Variants in NUP93 observed in about 807,000 individuals in gnomAD.
NUP93 encodes nucleoporin 93.
Under a neutral mutation model 107.8 loss-of-function variants are expected in NUP93, and 55 were observed. The ratio of observed to expected loss-of-function variants is 0.51; its 90% CI spans 0.41 to 0.64. NUP93 has a LOEUF of 0.64. NUP93 is among the 30% of genes least tolerant of loss of function. NUP93 has a pLI of 0.00. For missense variants in NUP93, 937 were observed against 1,044.7 expected, an observed-to-expected ratio of 0.90 and a Z score of 1.42; for synonymous variants, 390 against 397.5, an observed-to-expected ratio of 0.98 and a Z score of 0.22.
chr16:56,765,392 G>C (rs1962198987), intron 3 of NUP93, among the ~76,000 whole-genome samples: 1 of 152,072 alleles, frequency 6.6e-6, no homozygotes, highest in African/African-American at 2.4e-5. Context: ...TTTGAATCTT[G>C]CTGTTTCTCA....
intron 4 of NUP93, among the ~76,000 whole-genome samples, chr16:56,802,894 G>T (rs1043169850): frequency 6.6e-6 from 1 of 152,108 alleles, no homozygotes; most frequent in Non-Finnish European, 1.5e-5. Context: ...GGCTGAGAAT[G>T]GTCATAATTC....
intron 4 of NUP93, among the ~76,000 whole-genome samples, chr16:56,801,679 A>T (rs1963024391): frequency 6.6e-6 from 1 of 152,104 alleles, no homozygotes; most frequent in African/African-American, 2.4e-5. Context: ...ATTTATTTTT[A>T]TTTGAAGCTC....
chr16:56,732,960 G>A (rs1162450661), intron 1 of NUP93, among the ~76,000 whole-genome samples: 1 of 152,196 alleles, frequency 6.6e-6, no homozygotes. Context: ...CACTAGGGAA[G>A]AACAGTATAG....
At chr16:56,841,608 C>G in intron 20 of NUP93, 97 bp from the exon 21 acceptor site, 1 of 1,469,434 alleles carries the variant, frequency 6.8e-7, no homozygotes, top group Non-Finnish European at 9.2e-7. Context: ...AGGAGTGGTG[C>G]AACCAGGCCT....
intron 7 of NUP93, among the ~76,000 whole-genome samples, chr16:56,823,413 G>C (rs1404569888): frequency 6.6e-6 from 1 of 152,138 alleles, no homozygotes; most frequent in Non-Finnish European, 1.5e-5. Context: ...CAGTGTTCTC[G>C]TGACTTGTAT....
intron 10 of NUP93, chr16:56,831,448 AGTT>A (rs1294048022): frequency 1.9e-5 from 3 of 159,102 alleles, no homozygotes; most frequent in Non-Finnish European, 4.1e-5. Context: ...TTTGAGTGCA[AGTT>A]GTTTATTTAG....
At chr16:56,840,487 A>G (rs965279075) in intron 20 of NUP93, among the ~76,000 whole-genome samples, 32 of 152,162 alleles carry the variant, frequency 2.1e-4, no homozygotes, top group African/African-American at 6.8e-4. Flanking sequence ...AAAAACCCTC[A>G]TGCCTACACC....
intron 3 of NUP93, among the ~76,000 whole-genome samples, chr16:56,785,675 A>G (rs1463958339): frequency 6.6e-6 from 1 of 152,240 alleles, no homozygotes; most frequent in African/African-American, 2.4e-5. Context: ...GAACACTGTG[A>G]TAAGGGGTGG....
chr16:56,771,758 T>C (rs538674924), intron 3 of NUP93, among the ~76,000 whole-genome samples: 2 of 152,362 alleles, frequency 1.3e-5, no homozygotes, highest in African/African-American at 4.8e-5. Flanking sequence ...TTGATACTGC[T>C]GACATAGTTT....
At chr16:56,742,735 C>G (rs1420244669) in intron 1 of NUP93, among the ~76,000 whole-genome samples, 1 of 152,138 alleles carries the variant, frequency 6.6e-6, no homozygotes, top group African/African-American at 2.4e-5. Flanking sequence ...TTTCCTTTTC[C>G]CTTTGTAGCT....
intron 3 of NUP93, chr16:56,783,275 T>C (rs1962553104): frequency 6.4e-6 from 1 of 156,502 alleles, no homozygotes; most frequent in East Asian, 1.9e-4. Flanking sequence ...TATTTCCCTT[T>C]GGAGGTGTGG....
chr16:56,739,535 C>G (rs1477332453), intron 1 of NUP93, among the ~76,000 whole-genome samples: 1 of 120,094 alleles, frequency 8.3e-6, no homozygotes, highest in African/African-American at 3.2e-5. Context: ...TGACCCCCCC[C>G]CACCTCCCTC....
At chr16:56,775,839 G>A (rs113636612) in intron 3 of NUP93, among the ~76,000 whole-genome samples, 2 of 152,230 alleles carry the variant, frequency 1.3e-5, no homozygotes, top group African/African-American at 4.8e-5. Flanking sequence ...CCCTTGCCAT[G>A]GTTGTCTATC....
At chr16:56,802,301 C>A (rs1421016722) in intron 4 of NUP93, among the ~76,000 whole-genome samples, 1 of 148,306 alleles carries the variant, frequency 6.7e-6, no homozygotes, top group Non-Finnish European at 1.5e-5. Flanking sequence ...TATCTCTTCC[C>A]CCCCACCCCC....
chr16:56,803,637 C>T (rs1963068793), intron 4 of NUP93, among the ~76,000 whole-genome samples: 1 of 151,802 alleles, frequency 6.6e-6, no homozygotes, highest in South Asian at 2.1e-4. Context: ...TATTAATAAA[C>T]ACATGGAAAG....
chr16:56,820,764 T>C (rs1212342332), intron 6 of NUP93, among the ~76,000 whole-genome samples: 1 of 152,180 alleles, frequency 6.6e-6, no homozygotes, highest in Non-Finnish European at 1.5e-5. Context: ...CAAAGTAGAA[T>C]CTTCCACAAG....
chr16:56,835,971 A>G (rs1405591607), intron 16 of NUP93, among the ~76,000 whole-genome samples: 12 of 152,078 alleles, frequency 7.9e-5, no homozygotes, highest in African/African-American at 2.9e-4. Context: ...TATTAAAAAT[A>G]CAAAAAAATT....
intron 3 of NUP93, among the ~76,000 whole-genome samples, chr16:56,774,358 C>T (rs1435179111): frequency 2.6e-5 from 4 of 152,152 alleles, no homozygotes; most frequent in African/African-American, 9.7e-5. Context: ...GATTTCTCTG[C>T]CTTTTTCCCA....
intron 1 of NUP93, among the ~76,000 whole-genome samples, chr16:56,736,608 G>A (rs1207164436): frequency 2.0e-5 from 3 of 152,218 alleles, no homozygotes; most frequent in African/African-American, 7.2e-5. Context: ...GGAGACAGAA[G>A]CCAGGGGCAG....
Sources: gnomAD v4.1 joint callset for allele counts (sites outside exome capture counted in the v4.1 genomes callset) on GRCh38, gnomAD v4.1.1 for gene constraint, MANE v1.5 for transcripts, NCBI Gene and HGNC (gene_info 2026-07-23, HGNC 2026-07-21) for gene names.